The following SLC5A11 variants were observed in gnomAD, a reference collection of about 807,000 sequenced individuals.
The protein encoded by SLC5A11 is solute carrier family 5 member 11, also known as sodium/myo-inositol cotransporter 2.
Under a neutral mutation model 69.8 loss-of-function variants are expected in SLC5A11, and 48 were observed. The ratio of observed to expected loss-of-function variants is 0.69; its 90% CI spans 0.55 to 0.87. SLC5A11 has a LOEUF of 0.87. Among genes scored for constraint, SLC5A11 ranks in the 40% least tolerant of loss-of-function variants. The pLI is 0.00. For synonymous variants in SLC5A11, 319 were observed against 342.4 expected (o/e 0.93, Z 0.75); for missense variants, 784 against 866.1 (o/e 0.91, Z 1.19).
exon 15 of SLC5A11, chr16:24,910,419 C>G (rs760546761): frequency 4.3e-6 from 7 of 1,613,994 alleles, no homozygotes; most frequent in Non-Finnish European, 3.4e-6. Flanking sequence ...CAGAGGCCAG[C>G]AGCAGCAGCA....
chr16:24,850,911 A>G (rs1216888245), intron 1 of SLC5A11, among the ~76,000 whole-genome samples: 1 of 151,750 alleles, frequency 6.6e-6, no homozygotes, highest in Non-Finnish European at 1.5e-5. Context: ...CCCAGGTTCA[A>G]GCGATTCTTC....
At chr16:24,905,629 C>T (rs1232728666) in intron 10 of SLC5A11, among the ~76,000 whole-genome samples, 5 of 49,384 alleles carry the variant, frequency 1.0e-4, no homozygotes, top group Non-Finnish European at 1.7e-4. Context: ...CTCAAAAACA[C>T]GCGCGCGCGC....
At chr16:24,880,524 G>A (rs894114932) in intron 7 of SLC5A11, among the ~76,000 whole-genome samples, 1 of 152,064 alleles carries the variant, frequency 6.6e-6, no homozygotes, top group Non-Finnish European at 1.5e-5. Context: ...AGTAGAGACA[G>A]GGTTTCTCCA....
chr16:24,908,847 G>T, intron 13 of SLC5A11, 34 bp from the exon 15 acceptor site: 1 of 1,601,308 alleles, frequency 6.2e-7, no homozygotes, highest in Non-Finnish European at 8.5e-7. Context: ...AGAGCCCTTG[G>T]CGTCTCTAAG....
At chr16:24,890,563 G>T (rs1183613314) in intron 8 of SLC5A11, among the ~76,000 whole-genome samples, 4 of 140,910 alleles carry the variant, frequency 2.8e-5, no homozygotes, top group Admixed American at 7.0e-5. Flanking sequence ...AAAGAAAAAA[G>T]AAACTTGGAT....
At chr16:24,873,857 G>A (rs868554677) in intron 5 of SLC5A11, among the ~76,000 whole-genome samples, 15 of 137,760 alleles carry the variant, frequency 1.1e-4, no homozygotes, top group Non-Finnish European at 1.8e-4. Context: ...GCAGAGTTTC[G>A]CTCTGCTGCC....
chr16:24,847,195 CT>C (rs1208231699), intron 1 of SLC5A11, among the ~76,000 whole-genome samples: 1 of 147,316 alleles, frequency 6.8e-6, no homozygotes, highest in African/African-American at 2.5e-5. Flanking sequence ...TTCCTTCTTT[CT>C]TTTATTTCTT....
chr16:24,891,589 G>A (rs150917312), intron 9 of SLC5A11, among the ~76,000 whole-genome samples: 275 of 152,212 alleles, frequency 1.8e-3, no homozygotes, highest in African/African-American at 6.4e-3. Context: ...CTCCCAAAGT[G>A]CTGGGATTAT....
chr16:24,846,923 G>A (rs1248675492), intron 1 of SLC5A11, among the ~76,000 whole-genome samples: 1 of 152,226 alleles, frequency 6.6e-6, no homozygotes, highest in Non-Finnish European at 1.5e-5. Flanking sequence ...CACGTGCAGA[G>A]AACTTTACGC....
At chr16:24,869,871 C>A (rs2667751) in intron 3 of SLC5A11, 30 bp from the exon 5 acceptor site, 294,364 of 1,535,200 alleles carry the variant, frequency 0.19, 30,330 homozygotes, top group Non-Finnish European at 0.21. Flanking sequence ...GACTTTGTCT[C>A]CAAGATCTGA....
intron 2 of SLC5A11, 86 bp downstream of exon 3, chr16:24,858,864 C>A: frequency 1.4e-6 from 2 of 1,461,152 alleles, no homozygotes; most frequent in Non-Finnish European, 1.8e-6. Flanking sequence ...CCTTTTGGAG[C>A]TAAGATACTG....
In SLC5A11 at chr16:24,895,631, C is replaced by T. The variant is rs968856117; in HGVS notation, c.871-2343C>T. Among the ~76,000 whole-genome samples, 5 of 141,856 alleles carry T rather than the reference C, an allele frequency of 3.5e-5. No homozygotes were observed. The Admixed American group carries it at 3.7e-4, about 10-fold the overall frequency. The allele number at this position is 141,856 out of a possible 152,430, so 93.1% of individuals were successfully genotyped here. ...GGAAGGTGGGGGAGGGAAGGGACCC[C>T]TCAGTTGGACAGCCAGCTTGTGACC... On this transcript the variant is annotated intron_variant, in intron 9 of 15. Transcript: ENST00000347898.
intron 5 of SLC5A11, among the ~76,000 whole-genome samples, chr16:24,875,325 C>T (rs2047597042): frequency 6.6e-6 from 1 of 152,190 alleles, no homozygotes; most frequent in Non-Finnish European, 1.5e-5. Flanking sequence ...GCTGGGACTA[C>T]AGGCGCCTGT....
At chr16:24,873,564 G>A (rs2047473963) in intron 5 of SLC5A11, among the ~76,000 whole-genome samples, 1 of 151,848 alleles carries the variant, frequency 6.6e-6, no homozygotes, top group Non-Finnish European at 1.5e-5. Flanking sequence ...GGAGACTGAG[G>A]AGGAGGATTG....
exon 15 of SLC5A11, chr16:24,910,448 T>C: frequency 6.2e-7 from 1 of 1,614,000 alleles, no homozygotes; most frequent in Non-Finnish European, 8.5e-7. Context: ...TTCGAGATGG[T>C]TCAAGAAAAC....
chr16:24,903,122 G>T (rs759799521), intron 10 of SLC5A11, among the ~76,000 whole-genome samples: 1 of 151,814 alleles, frequency 6.6e-6, no homozygotes, highest in South Asian at 2.1e-4. Flanking sequence ...CTGGGAACTT[G>T]TTAGAAGTGC....
At chr16:24,861,183 T>C (rs933182133) in intron 2 of SLC5A11, among the ~76,000 whole-genome samples, 1 of 151,686 alleles carries the variant, frequency 6.6e-6, no homozygotes, top group Non-Finnish European at 1.5e-5. Flanking sequence ...TTAAGGATAT[T>C]AACAACTTTG....
At chr16:24,907,110 C>T (rs2050127007) in exon 12 of SLC5A11, 1 of 1,614,036 alleles carries the variant, frequency 6.2e-7, no homozygotes, top group African/African-American at 1.3e-5. Context: ...GCACCATCTT[C>T]ACCATGGACC....
intron 9 of SLC5A11, among the ~76,000 whole-genome samples, chr16:24,893,519 A>T (rs1366590586): frequency 6.6e-6 from 1 of 151,730 alleles, no homozygotes; most frequent in African/African-American, 2.4e-5. Context: ...TATTGAACCA[A>T]TGTTTACTGT....
Sources: allele counts gnomAD v4.1 joint callset (sites outside exome capture counted in the v4.1 genomes callset), GRCh38; gene constraint gnomAD v4.1.1; transcripts MANE v1.5; gene names NCBI Gene and HGNC (gene_info 2026-07-23, HGNC 2026-07-21).